Variants in SLC29A3 observed in about 807,000 individuals in gnomAD.
SLC29A3 encodes solute carrier family 29 member 3, also known as equilibrative nucleoside transporter 3.
In SLC29A3, 18 loss-of-function variants were observed where a neutral mutation model predicts 25.4. The ratio of observed to expected loss-of-function variants is 0.71; its 90% confidence interval spans 0.49 to 1.05. SLC29A3 has a LOEUF of 1.05. Ranked by LOEUF, SLC29A3 falls within the 50% of genes least tolerant of loss-of-function variation. The pLI is 0.00. For synonymous variants in SLC29A3, 258 were observed against 267.1 expected (o/e 0.97, Z 0.33); for missense variants, 586 against 609.0 (o/e 0.96, Z 0.40).
intron 4 of SLC29A3, among the ~76,000 whole-genome samples, chr10:71,378,375 C>T (rs2131861698): frequency 6.6e-6 from 1 of 152,292 alleles, no homozygotes; most frequent in Middle Eastern, 3.4e-3. Flanking sequence ...GAGACCCTAG[C>T]AACAGGCTTA....
chr10:71,362,029 C>T lies in SLC29A3; in HGVS notation c.849C>T (p.Ala283=), dbSNP rs1234857368. The stretch of plus-strand genomic sequence containing the variant: ...AGCTTCCCCAGGACTCCCTCAGTGC[C>T]CCTTCGGTGGCCTCCAGATTCATTG... ...EEELPQDSLS[A]PSVASRFIDS... Residue 283 remains alanine, a synonymous_variant, in exon 6 of 6, where the codon GCC becomes GCT. Coordinates refer to ENST00000373189, the MANE Select transcript of SLC29A3 (RefSeq NM_018344.6). 1 of 1,614,134 alleles carries T rather than the reference C, an allele frequency of 6.2e-7. No homozygotes were observed. Among genetic ancestry groups the T allele is most frequent in the Admixed American group, 1.7e-5 (1 of 60,014 alleles).
At chr10:71,373,203 G>T in intron 3 of SLC29A3, among the ~76,000 whole-genome samples, 1 of 152,228 alleles carries the variant, frequency 6.6e-6, no homozygotes, top group Non-Finnish European at 1.5e-5. Context: ...TTTTCAAACA[G>T]AAACTGAATT....
chr10:71,341,140 C>T (rs1490721350), intron 2 of SLC29A3, among the ~76,000 whole-genome samples: 3 of 152,158 alleles, frequency 2.0e-5, no homozygotes, highest in Non-Finnish European at 2.9e-5. Context: ...CTCCCCCATC[C>T]TCAGGGGAGC....
intron 3 of SLC29A3, among the ~76,000 whole-genome samples, chr10:71,370,783 A>T (rs1847206298): frequency 6.6e-6 from 1 of 152,086 alleles, no homozygotes. Context: ...TTTTAATGTA[A>T]TTTTTTATTG....
At chr10:71,332,357 C>T (rs1281739136) in intron 2 of SLC29A3, among the ~76,000 whole-genome samples, 1 of 151,962 alleles carries the variant, frequency 6.6e-6, no homozygotes, top group Non-Finnish European at 1.5e-5. Flanking sequence ...ACCATGTTGG[C>T]CAGGTTGGTC....
chr10:71,323,157 A>G, intron 2 of SLC29A3, 103 bp downstream of exon 2: 2 of 1,444,034 alleles, frequency 1.4e-6, no homozygotes, highest in South Asian at 1.2e-5. Flanking sequence ...CAGCCTTTAG[A>G]TCACTTACTG....
chr10:71,324,363 A>G (rs1439214801), intron 2 of SLC29A3, among the ~76,000 whole-genome samples: 4 of 152,164 alleles, frequency 2.6e-5, no homozygotes, highest in Non-Finnish European at 5.9e-5. Flanking sequence ...GACATTTCCT[A>G]TTCCTGGTTC....
rs200725925 is a variant in SLC29A3, at chr10:71,362,140, C to T, written c.960C>T (p.Ser320=). The T allele has an allele frequency of 6.2e-7, 1 of 1,613,998 alleles. No homozygotes were observed. Among genetic ancestry groups the T allele is most frequent in the Non-Finnish European group, 8.5e-7 (1 of 1,180,004 alleles). Residue 320 remains serine, a synonymous_variant, in exon 6 of 6, where the codon AGC becomes AGT. Transcript: ENST00000373189. ...TCACCTACGTCTTCTTCATCACCAG[C>T]CTCATCTACCCCGCCATCTGCACCA... The part of the protein sequence containing the change: ...FCVTYVFFIT[S]LIYPAICTNI...
chr10:71,335,707 G>T (rs1412079804), intron 2 of SLC29A3, among the ~76,000 whole-genome samples: 1 of 152,162 alleles, frequency 6.6e-6, no homozygotes, highest in African/African-American at 2.4e-5. Context: ...CCTTCAGAGG[G>T]GCTGCTTGGG....
intron 2 of SLC29A3, among the ~76,000 whole-genome samples, chr10:71,328,569 T>C (rs1033563984): frequency 1.3e-5 from 2 of 152,190 alleles, no homozygotes; most frequent in Admixed American, 1.3e-4. Context: ...TCTCTTACTC[T>C]ACATCCTATG....
At chr10:71,338,378 A>AG (rs2131817752) in intron 2 of SLC29A3, among the ~76,000 whole-genome samples, 1 of 152,252 alleles carries the variant, frequency 6.6e-6, no homozygotes, top group East Asian at 1.9e-4. Flanking sequence ...GGAAATGCTG[A>AG]GGGGAATGGG....
intron 3 of SLC29A3, among the ~76,000 whole-genome samples, chr10:71,346,403 T>C (rs1376567865): frequency 1.3e-5 from 2 of 152,108 alleles, no homozygotes; most frequent in Non-Finnish European, 2.9e-5. Flanking sequence ...AGGTGGCCAT[T>C]AAGGATGGAG....
chr10:71,376,329 A>G (rs1290586447), intron 4 of SLC29A3, among the ~76,000 whole-genome samples: 2 of 152,240 alleles, frequency 1.3e-5, no homozygotes, highest in Admixed American at 6.5e-5. Flanking sequence ...CCTCACAGGA[A>G]GACTTGAAGT....
intron 2 of SLC29A3, among the ~76,000 whole-genome samples, chr10:71,337,813 C>T (rs1032247747): frequency 5.9e-5 from 9 of 152,226 alleles, no homozygotes; most frequent in African/African-American, 9.6e-5. Flanking sequence ...ACCCTTAGCA[C>T]GGAGCCTCTC....
chr10:71,354,230 C>T (rs1275981364), intron 4 of SLC29A3, among the ~76,000 whole-genome samples: 1 of 152,202 alleles, frequency 6.6e-6, no homozygotes, highest in Admixed American at 6.5e-5. Context: ...ATCTTCATCA[C>T]AGCCCTACGA....
chr10:71,338,275 C>T (rs75141927), intron 2 of SLC29A3, among the ~76,000 whole-genome samples: 35 of 152,356 alleles, frequency 2.3e-4, no homozygotes, highest in African/African-American at 7.7e-4. Context: ...CAACCATGTC[C>T]GTCAATTTTG....
intron 3 of SLC29A3, among the ~76,000 whole-genome samples, chr10:71,370,783 A>AT (rs1332433988): frequency 3.3e-5 from 5 of 152,086 alleles, no homozygotes; most frequent in Non-Finnish European, 7.4e-5. Context: ...TTTTAATGTA[A>AT]TTTTTTATTG....
At chr10:71,368,034 A>G (rs746430952), downstream of SLC29A3, among the ~76,000 whole-genome samples, 1 of 152,230 alleles carries the variant, frequency 6.6e-6, no homozygotes. Context: ...ACCAGCCTGG[A>G]CAACATAGTA....
chr10:71,331,807 C>G (rs1469906286), intron 2 of SLC29A3, among the ~76,000 whole-genome samples: 1 of 152,214 alleles, frequency 6.6e-6, no homozygotes, highest in Non-Finnish European at 1.5e-5. Context: ...CAGTAAGTAA[C>G]TCGTTGGTGC....
Sources: allele counts gnomAD v4.1 joint callset (sites outside exome capture counted in the v4.1 genomes callset), GRCh38; gene constraint gnomAD v4.1.1; transcripts MANE v1.5; gene names NCBI Gene and HGNC (gene_info 2026-07-23, HGNC 2026-07-21).